ADGRG2: variants seen among roughly 807,000 people sequenced by gnomAD.
ADGRG2 encodes the protein G protein-coupled receptor 64.
Under a neutral mutation model 74.1 loss-of-function variants are expected in ADGRG2, and 26 were observed. That is an observed-to-expected ratio of 0.35 (90% confidence interval 0.26 to 0.49). The LOEUF is 0.49. Among genes scored for constraint, ADGRG2 ranks in the 20% least tolerant of loss-of-function variants. The pLI, the probability that ADGRG2 is intolerant of heterozygous loss-of-function variation, is 0.99. For missense variants in ADGRG2, 619 were observed against 763.1 expected (o/e 0.81, Z 2.22); for synonymous variants, 296 against 295.2 (o/e 1.00, Z -0.03).
rs752847413 is a variant in ADGRG2 at position 19,046,840 on chromosome X, G to A, written c.119-6616C>T. ...CCCCATTAGAGATGCCAGCCAAACCGAGAGAGGGGGAGAAATACCCTGACT... is the reference window on the plus strand; with the variant it reads ...CCCCATTAGAGATGCCAGCCAAACCAAGAGAGGGGGAGAAATACCCTGACT... On this transcript the variant is annotated intron_variant, in intron 3 of 28. Transcript: ENST00000379869. 7.2e-5 allele frequency among the ~76,000 whole-genome samples: 8 copies of A among 111,502 alleles called. No individual in the cohort carries two copies. The South Asian group carries it at 2.7e-3, about 38-fold the overall frequency.
At chrX:19,039,209 T>C (rs776957084) in intron 4 of ADGRG2, 1 of 328,987 alleles carries the variant, frequency 3.0e-6, no homozygotes, top group East Asian at 9.8e-5. Flanking sequence ...AAATTACAAC[T>C]CAAGTCATCT....
intron 1 of ADGRG2, among the ~76,000 whole-genome samples, chrX:19,098,436 T>C (rs960736701): frequency 8.9e-6 from 1 of 111,865 alleles, no homozygotes; most frequent in Non-Finnish European, 1.9e-5. Context: ...GGGGGGACCA[T>C]GGGTGGGCTG....
intron 1 of ADGRG2, among the ~76,000 whole-genome samples, chrX:19,108,104 CAA>C (rs143987070): frequency 2.4e-4 from 11 of 44,943 alleles, no homozygotes; most frequent in African/African-American, 3.4e-4. Flanking sequence ...GACTCCGTCT[CAA>C]AAAAAAAAAA....
chrX:19,061,092 A>G (rs1250861441), intron 3 of ADGRG2, among the ~76,000 whole-genome samples: 2 of 111,734 alleles, frequency 1.8e-5, no homozygotes, highest in African/African-American at 6.5e-5. Context: ...CTCCTTCCTC[A>G]TATGGAGGAG....
chrX:19,021,742 G>T (rs935618437), intron 13 of ADGRG2, among the ~76,000 whole-genome samples: 2 of 110,595 alleles, frequency 1.8e-5, no homozygotes, highest in African/African-American at 6.6e-5. Context: ...CCGCCTCCCA[G>T]GTTCAAGCGA....
At chrX:19,077,906 T>C (rs751711778) in intron 2 of ADGRG2, among the ~76,000 whole-genome samples, 1 of 111,745 alleles carries the variant, frequency 8.9e-6, no homozygotes, top group South Asian at 3.7e-4. Context: ...TAAGGAGAAA[T>C]AGAACAAATC....
chrX:19,088,671 T>C (rs999808733), intron 1 of ADGRG2, among the ~76,000 whole-genome samples: 7 of 110,753 alleles, frequency 6.3e-5, no homozygotes, highest in African/African-American at 2.3e-4. Flanking sequence ...GGTTTCACTA[T>C]GTTGCCCAGG....
intron 24 of ADGRG2, among the ~76,000 whole-genome samples, chrX:19,001,765 C>T (rs1601853226): frequency 9.0e-6 from 1 of 111,274 alleles, no homozygotes; most frequent in East Asian, 2.8e-4. Context: ...AATATTTAGC[C>T]TGAAAATAGA....
intron 4 of ADGRG2, among the ~76,000 whole-genome samples, chrX:19,039,635 G>C (rs2061015049): frequency 8.9e-6 from 1 of 111,905 alleles, no homozygotes. Flanking sequence ...CTAATGGACA[G>C]GGCTGGGTCA....
At chrX:19,119,821 AC>A (rs2062582593) in intron 1 of ADGRG2, among the ~76,000 whole-genome samples, 1 of 111,198 alleles carries the variant, frequency 9.0e-6, no homozygotes, top group South Asian at 3.8e-4. Context: ...TGTTCATGGT[AC>A]CAAAAACACA....
chrX:19,011,838 C>G (rs1478223846), intron 16 of ADGRG2, among the ~76,000 whole-genome samples: 1 of 111,100 alleles, frequency 9.0e-6, no homozygotes, highest in Non-Finnish European at 1.9e-5. Context: ...GAGTGAGACT[C>G]TCTCTCTCTC....
chrX:19,015,611 C>T (rs1268063696), intron 15 of ADGRG2, among the ~76,000 whole-genome samples: 1 of 112,064 alleles, frequency 8.9e-6, no homozygotes, highest in Non-Finnish European at 1.9e-5. Context: ...CCCAGCTACT[C>T]GGGAGGCTGA....
chrX:19,097,347 A>AC (rs1215805993), intron 1 of ADGRG2, among the ~76,000 whole-genome samples: 12 of 112,243 alleles, frequency 1.1e-4, no homozygotes, highest in African/African-American at 3.6e-4. Flanking sequence ...CCCCATCTCT[A>AC]CTAAAATACA....
intron 24 of ADGRG2, 55 bp downstream of exon 24, chrX:19,002,791 C>T: frequency 9.0e-7 from 1 of 1,115,253 alleles, no homozygotes; most frequent in Non-Finnish European, 1.2e-6. Flanking sequence ...AAAATCAAAA[C>T]ACTAGAGAAA....
rs1489502266 is a variant in ADGRG2 at position 19,033,570 on chromosome X, T to C, written c.304+43A>G. The C allele has an allele frequency of 7.5e-5, 44 of 584,994 alleles. No homozygotes were observed. In the Admixed American group the frequency reaches 1.4e-3, roughly 19 times the overall value. The allele number at this position is 584,994 out of a possible 1,213,427, so 48.2% of individuals were successfully genotyped here. On this transcript the variant is annotated intron_variant, in intron 8 of 28. Coordinates refer to ENST00000379869, the MANE Select transcript of ADGRG2 (RefSeq NM_001079858.3). ...ACCAGCCATTTGTTTAATTTTACTT[T>C]AGTTATAAAAAGGAAAGTCTTGATA...
chrX:19,062,549 C>A (rs1194540852), intron 3 of ADGRG2, among the ~76,000 whole-genome samples: 1 of 111,819 alleles, frequency 8.9e-6, no homozygotes, highest in Non-Finnish European at 1.9e-5. Context: ...GCATTTATAA[C>A]CTCATTTGTA....
chrX:19,083,657 A>G (rs775960673), intron 1 of ADGRG2, among the ~76,000 whole-genome samples: 5 of 112,016 alleles, frequency 4.5e-5, no homozygotes, highest in African/African-American at 1.6e-4. Flanking sequence ...ACTCAGATGC[A>G]CGCTGGGGAA....
At chrX:19,114,774 G>A (rs1267353761) in intron 1 of ADGRG2, among the ~76,000 whole-genome samples, 2 of 111,731 alleles carry the variant, frequency 1.8e-5, no homozygotes, top group East Asian at 5.6e-4. Context: ...GGCTTACAAA[G>A]GTCAGGAATT....
chrX:19,023,740 C>A (rs888593756), intron 12 of ADGRG2, among the ~76,000 whole-genome samples, 169 bp downstream of exon 12: 3 of 111,772 alleles, frequency 2.7e-5, no homozygotes, highest in Non-Finnish European at 5.6e-5. Context: ...TAATGTCTAC[C>A]CATTGCTTCT....
Sources: allele counts gnomAD v4.1 joint callset (sites outside exome capture counted in the v4.1 genomes callset), GRCh38; gene constraint gnomAD v4.1.1; transcripts MANE v1.5; gene names NCBI Gene and HGNC (gene_info 2026-07-23, HGNC 2026-07-21).